UNC5C: variants seen among roughly 807,000 people sequenced by gnomAD.
UNC5C encodes netrin receptor UNC5C.
In UNC5C, 47 loss-of-function variants were observed where a neutral mutation model predicts 99.8. That is an observed-to-expected ratio of 0.47 (90% CI 0.37 to 0.60). The LOEUF (loss-of-function observed/expected upper bound fraction) is 0.60. Ranked by LOEUF, UNC5C falls within the 20% of genes least tolerant of loss-of-function variation. The pLI, the probability that UNC5C is intolerant of heterozygous loss-of-function variation, is 0.00. For missense variants in UNC5C, 1,062 were observed against 1,165.9 expected, an observed-to-expected ratio of 0.91 and a Z score of 1.30; for synonymous variants, 487 against 452.2, an observed-to-expected ratio of 1.08 and a Z score of -0.98.
chr4:95,535,471 T>C (rs1279846121), intron 1 of UNC5C, among the ~76,000 whole-genome samples: 1 of 152,222 alleles, frequency 6.6e-6, no homozygotes, highest in Non-Finnish European at 1.5e-5. Flanking sequence ...CAATTGCTAA[T>C]GTGCATTAAG....
At chr4:95,265,425 A>T (rs1018405698) in intron 4 of UNC5C, among the ~76,000 whole-genome samples, 1 of 152,172 alleles carries the variant, frequency 6.6e-6, no homozygotes, top group Non-Finnish European at 1.5e-5. Context: ...TTCAATAATA[A>T]AATCATTAAT....
intron 14 of UNC5C, among the ~76,000 whole-genome samples, chr4:95,173,700 C>T (rs536572757): frequency 2.7e-5 from 4 of 150,646 alleles, no homozygotes; most frequent in Admixed American, 2.6e-4. Context: ...GTCTAAAATT[C>T]TCTTTTTTGG....
At chr4:95,301,389 G>A (rs546390946) in intron 3 of UNC5C, among the ~76,000 whole-genome samples, 23 of 152,110 alleles carry the variant, frequency 1.5e-4, no homozygotes, top group Non-Finnish European at 3.1e-4. Flanking sequence ...TAGAAACGGG[G>A]TTTCACCGTG....
chr4:95,509,691 T>G (rs1248909026), intron 1 of UNC5C, among the ~76,000 whole-genome samples: 1 of 151,904 alleles, frequency 6.6e-6, no homozygotes. Flanking sequence ...TCGTGAAATG[T>G]GTTTATGTAT....
chr4:95,432,548 C>T (rs1746661695), intron 1 of UNC5C, among the ~76,000 whole-genome samples: 1 of 151,970 alleles, frequency 6.6e-6, no homozygotes, highest in Non-Finnish European at 1.5e-5. Context: ...ACAATTTACA[C>T]AGAGCCTGTT....
At chr4:95,441,851 A>G (rs2149463764) in intron 1 of UNC5C, among the ~76,000 whole-genome samples, 1 of 152,318 alleles carries the variant, frequency 6.6e-6, no homozygotes, top group Non-Finnish European at 1.5e-5. Flanking sequence ...CTGTTTCAGG[A>G]GGCTGGACTC....
intron 1 of UNC5C, among the ~76,000 whole-genome samples, chr4:95,543,677 C>CT (rs1478551760): frequency 6.6e-6 from 1 of 152,066 alleles, no homozygotes; most frequent in Non-Finnish European, 1.5e-5. Context: ...TGGGGTGTAC[C>CT]TTTTTTCTGT....
chr4:95,481,592 C>G (rs1000275726), intron 1 of UNC5C, among the ~76,000 whole-genome samples: 1 of 152,118 alleles, frequency 6.6e-6, no homozygotes, highest in Non-Finnish European at 1.5e-5. Context: ...AGGCATCACT[C>G]TACCTGACTT....
rs1012462655 is a variant in UNC5C at position 95,162,781 on chromosome 4, A to C, written c.*6453T>G. The C allele has an allele frequency of 2.0e-5, 3 of 152,062 alleles. No individual in the cohort carries two copies. The highest frequency in any genetic ancestry group is 4.4e-5 in the Non-Finnish European group (3 of 68,018). 9.4% of individuals were successfully genotyped at this position (152,062 alleles called of 1,614,324 possible). ...TGCATAGAAGATACAGCAAGAGGGA[A>C]CTCCACAACAACAAAAGTGTTCCAT... On this transcript the variant is annotated 3_prime_UTR_variant, in exon 16 of 16. Transcript: ENST00000453304.
intron 1 of UNC5C, among the ~76,000 whole-genome samples, chr4:95,414,339 C>T (rs17439081): frequency 0.054 from 8,220 of 152,212 alleles, 312 homozygotes; most frequent in Non-Finnish European, 0.085. Flanking sequence ...GTCTACACTT[C>T]CTACAAAGGC....
chr4:95,310,204 C>A (rs189711039), intron 2 of UNC5C, among the ~76,000 whole-genome samples: 2 of 152,204 alleles, frequency 1.3e-5, no homozygotes, highest in East Asian at 1.9e-4. Flanking sequence ...ACAAATACTG[C>A]ATGATCACAC....
intron 3 of UNC5C, among the ~76,000 whole-genome samples, chr4:95,280,180 T>A (rs548508962): frequency 1.3e-5 from 2 of 152,016 alleles, no homozygotes; most frequent in Non-Finnish European, 2.9e-5. Context: ...AGAAAGCACC[T>A]GGAAAAAAAT....
At chr4:95,186,003 T>C (rs1178201708) in intron 12 of UNC5C, among the ~76,000 whole-genome samples, 6 of 152,208 alleles carry the variant, frequency 3.9e-5, no homozygotes, top group East Asian at 1.9e-4. Flanking sequence ...ATTCTATATA[T>C]ACTTCCATTT....
rs1215061387 is a variant in UNC5C at position 95,325,616 on chromosome 4, A to G, written c.346+9794T>C. Among the ~76,000 whole-genome samples, 4 of 152,314 alleles carry G rather than the reference A, an allele frequency of 2.6e-5. No homozygotes were observed. In the South Asian group the frequency reaches 8.3e-4, roughly 32 times the overall value. ...AACAAATGGGGACTTGAGTAAGCACAGTATACCTAAGTCTAGGTTTTGATT... is the reference window on the plus strand; with the variant it reads ...AACAAATGGGGACTTGAGTAAGCACGGTATACCTAAGTCTAGGTTTTGATT... On this transcript the variant is annotated intron_variant, in intron 2 of 15. Coordinates refer to ENST00000453304, the MANE Select transcript of UNC5C (RefSeq NM_003728.4).
intron 1 of UNC5C, among the ~76,000 whole-genome samples, chr4:95,348,144 G>A (rs749573618): frequency 2.6e-5 from 4 of 152,006 alleles, no homozygotes; most frequent in Non-Finnish European, 5.9e-5. Flanking sequence ...CGGCAAGCAG[G>A]TATATGCAAA....
chr4:95,222,044 C>CT (rs1342514560), intron 7 of UNC5C, among the ~76,000 whole-genome samples: 4 of 152,096 alleles, frequency 2.6e-5, no homozygotes, highest in Non-Finnish European at 5.9e-5. Context: ...TGAAATGACC[C>CT]TTTCTTCTCT....
At chr4:95,449,661 G>C (rs2149466904) in intron 1 of UNC5C, among the ~76,000 whole-genome samples, 1 of 152,246 alleles carries the variant, frequency 6.6e-6, no homozygotes, top group South Asian at 2.1e-4. Context: ...ATAAAGAGTG[G>C]AATGTGAAAT....
intron 1 of UNC5C, among the ~76,000 whole-genome samples, chr4:95,398,208 T>G (rs1017893730): frequency 6.6e-6 from 1 of 152,110 alleles, no homozygotes; most frequent in African/African-American, 2.4e-5. Context: ...TCAAAACTAC[T>G]TGGGTAGTAG....
intron 10 of UNC5C, among the ~76,000 whole-genome samples, chr4:95,208,973 A>G (rs767196782): frequency 3.9e-5 from 6 of 152,186 alleles, no homozygotes; most frequent in Admixed American, 1.3e-4. Flanking sequence ...ACAATTATCC[A>G]TGGATTTCTC....
Sources: gnomAD v4.1 joint callset for allele counts (sites outside exome capture counted in the v4.1 genomes callset) on GRCh38, gnomAD v4.1.1 for gene constraint, MANE v1.5 for transcripts, NCBI Gene and HGNC (gene_info 2026-07-23, HGNC 2026-07-21) for gene names.